Variants in AFF2 observed in about 807,000 individuals in gnomAD.
AFF2 encodes ALF transcription elongation factor 2.
A neutral mutation model predicts 76.9 loss-of-function variants in AFF2; 14 were observed. The observed-to-expected ratio is 0.18, with a 90% CI of 0.12 to 0.28. The LOEUF (loss-of-function observed/expected upper bound fraction) is 0.28, where lower values mean the gene tolerates loss of function less well. Among genes scored for constraint, AFF2 ranks in the 10% least tolerant of loss-of-function variants. The probability of loss-of-function intolerance (pLI) is 1.00; values close to 1 mark genes in which losing one functional copy is unlikely to be tolerated. For missense variants in AFF2, 868 were observed against 1,001.1 expected (o/e 0.87, Z 1.79); for synonymous variants, 398 against 366.7 (o/e 1.09, Z -0.98).
At chrX:148,581,301 CACATAT>C (rs1557244769) in intron 1 of AFF2, among the ~76,000 whole-genome samples, 4 of 86,426 alleles carry the variant, frequency 4.6e-5, no homozygotes, top group African/African-American at 1.6e-4. Flanking sequence ...TACGTGTACA[CACATAT>C]ACGTATACGT....
intron 3 of AFF2, among the ~76,000 whole-genome samples, chrX:148,679,744 A>C (rs1457317617): frequency 7.2e-5 from 8 of 111,454 alleles, no homozygotes; most frequent in Non-Finnish European, 1.5e-4. Flanking sequence ...AGTGATGCCA[A>C]ATGGAAGCTC....
chrX:148,700,518 G>A (rs988872126), intron 3 of AFF2, among the ~76,000 whole-genome samples: 4 of 104,948 alleles, frequency 3.8e-5, no homozygotes, highest in African/African-American at 1.4e-4. Flanking sequence ...AAAGAGCCTC[G>A]GTCCTGGCAC....
intron 1 of AFF2, among the ~76,000 whole-genome samples, chrX:148,544,076 T>C (rs782114083): frequency 6.3e-5 from 7 of 111,897 alleles, no homozygotes; most frequent in African/African-American, 2.3e-4. Context: ...GGTGGTCACT[T>C]TCGAACTTGG....
intron 1 of AFF2, among the ~76,000 whole-genome samples, chrX:148,631,179 C>T (rs1446960476): frequency 8.9e-6 from 1 of 111,852 alleles, no homozygotes; most frequent in Non-Finnish European, 1.9e-5. Flanking sequence ...GAAGATTATA[C>T]TTGTCTAAAG....
intron 20 of AFF2, among the ~76,000 whole-genome samples, chrX:148,989,475 A>G (rs1557292021): frequency 8.9e-6 from 1 of 112,172 alleles, no homozygotes; most frequent in Admixed American, 9.5e-5. Context: ...TCACTCTACC[A>G]GCAGAGAGAA....
intron 7 of AFF2, among the ~76,000 whole-genome samples, chrX:148,875,293 A>G (rs1010688580): frequency 8.9e-6 from 1 of 112,463 alleles, no homozygotes; most frequent in Non-Finnish European, 1.9e-5. Flanking sequence ...CTTGCAGACA[A>G]TTGTGAATAT....
intron 1 of AFF2, 109 bp from the exon 2 acceptor site, chrX:148,651,890 C>A (rs1421442231): frequency 5.8e-6 from 4 of 684,013 alleles, no homozygotes; most frequent in Non-Finnish European, 8.7e-6. Context: ...TCAACTTGGG[C>A]AGCAAGTTGA....
At chrX:148,610,712 G>A (rs2053720596) in intron 1 of AFF2, among the ~76,000 whole-genome samples, 1 of 111,458 alleles carries the variant, frequency 9.0e-6, no homozygotes, top group Non-Finnish European at 1.9e-5. Flanking sequence ...TGTGGGGGTT[G>A]GTGATCAGGC....
intron 7 of AFF2, among the ~76,000 whole-genome samples, chrX:148,851,033 A>T (rs1404268637): frequency 8.9e-6 from 1 of 112,538 alleles, no homozygotes; most frequent in Non-Finnish European, 1.9e-5. Context: ...CTGAGACTGG[A>T]GTAGAAGAGA....
At chrX:148,578,439 A>G (rs1432089909) in intron 1 of AFF2, among the ~76,000 whole-genome samples, 1 of 111,718 alleles carries the variant, frequency 9.0e-6, no homozygotes, top group Non-Finnish European at 1.9e-5. Context: ...TGCCCCATGT[A>G]TAGACCATGG....
intron 3 of AFF2, among the ~76,000 whole-genome samples, chrX:148,801,594 T>C (rs1398801811): frequency 1.8e-5 from 2 of 111,885 alleles, no homozygotes; most frequent in Non-Finnish European, 3.8e-5. Context: ...CATGTTCCTA[T>C]TTCAGGCCAA....
chrX:148,569,606 T>C (rs1190571845), intron 1 of AFF2, among the ~76,000 whole-genome samples: 3 of 111,376 alleles, frequency 2.7e-5, no homozygotes, highest in East Asian at 2.8e-4. Flanking sequence ...GGAGATTTGC[T>C]ATGTTAGAAC....
At chrX:148,875,805 T>C (rs1369992965) in intron 7 of AFF2, among the ~76,000 whole-genome samples, 1 of 111,395 alleles carries the variant, frequency 9.0e-6, no homozygotes, top group Non-Finnish European at 1.9e-5. Flanking sequence ...ATCATTTTAT[T>C]TGTTGATGAT....
chrX:148,842,192 T>G (rs1411356390), intron 5 of AFF2, among the ~76,000 whole-genome samples: 5 of 112,219 alleles, frequency 4.5e-5, no homozygotes, highest in African/African-American at 1.6e-4. Context: ...ATCCACACAG[T>G]GCCATGTGTG....
At chrX:148,638,657 G>A (rs1421464460) in intron 1 of AFF2, among the ~76,000 whole-genome samples, 1 of 111,334 alleles carries the variant, frequency 9.0e-6, no homozygotes, top group Non-Finnish European at 1.9e-5. Context: ...TTTACTCATG[G>A]CAGAAGGCAA....
rs1251811577 is a variant in AFF2 at position 148,817,230 on chromosome X, G to C, written c.1086+7310G>C. Among the ~76,000 whole-genome samples, 5 of 111,036 alleles carry C rather than the reference G, an allele frequency of 4.5e-5. No homozygotes were observed. The Admixed American group carries it at 4.8e-4, about 11-fold the overall frequency. On this transcript the variant is annotated intron_variant, in intron 4 of 20. Transcript: ENST00000370460. ...AATAATACAATAAAATAGATACTTGGTTACTTAACGCCATCAAGAAAAAAG... is the reference window on the plus strand; with the variant it reads ...AATAATACAATAAAATAGATACTTGCTTACTTAACGCCATCAAGAAAAAAG...
At chrX:148,561,252 C>T (rs1793093188) in intron 1 of AFF2, among the ~76,000 whole-genome samples, 1 of 111,966 alleles carries the variant, frequency 8.9e-6, no homozygotes, top group African/African-American at 3.2e-5. Flanking sequence ...CAACAATTTT[C>T]CTAAATATAA....
At chrX:148,952,599 A>C (rs1354032069) in intron 9 of AFF2, among the ~76,000 whole-genome samples, 1 of 111,743 alleles carries the variant, frequency 8.9e-6, no homozygotes, top group Non-Finnish European at 1.9e-5. Context: ...TGAGAAAAAG[A>C]AAGGTGATGG....
chrX:148,897,266 T>TGAAAA (rs2071301917), intron 8 of AFF2, among the ~76,000 whole-genome samples: 1 of 31,900 alleles, frequency 3.1e-5, no homozygotes, highest in Non-Finnish European at 4.8e-5. Flanking sequence ...TATATATATA[T>TGAAAA]ATATATGTAT....
Sources: allele counts gnomAD v4.1 joint callset (sites outside exome capture counted in the v4.1 genomes callset), GRCh38; gene constraint gnomAD v4.1.1; transcripts MANE v1.5; gene names NCBI Gene and HGNC (gene_info 2026-07-23, HGNC 2026-07-21).